The following ATP8A2 variants were observed in gnomAD, a reference collection of about 807,000 sequenced individuals.
The protein encoded by ATP8A2 is ATPase phospholipid transporting 8A2.
A neutral mutation model predicts 165.6 loss-of-function variants in ATP8A2; 100 were observed. That is an observed-to-expected ratio of 0.60 (90% CI 0.51 to 0.71). The LOEUF (loss-of-function observed/expected upper bound fraction) is 0.71, where lower values mean the gene tolerates loss of function less well. Ranked by LOEUF, ATP8A2 falls within the 30% of genes least tolerant of loss-of-function variation. The pLI is 0.00. For synonymous variants in ATP8A2, 543 were observed against 548.8 expected (o/e 0.99, Z 0.15); for missense variants, 1,227 against 1,479.5 (o/e 0.83, Z 2.80).
Position 25,533,186 on chromosome 13 carries a change from GA to G in ATP8A2, c.467-85del, listed in dbSNP as rs1304784169. 4 of 737,796 alleles carry G rather than the reference GA, an allele frequency of 5.4e-6. No homozygotes were observed. The African/African-American group carries it at 7.1e-5, about 13-fold the overall frequency. 45.7% of individuals were successfully genotyped at this position (737,796 alleles called of 1,614,324 possible). A position where few individuals can be genotyped will look rare whatever the true frequency, so the allele number is the denominator to read the frequency against. On this transcript the variant is annotated intron_variant, in intron 5 of 36. Coordinates refer to ENST00000381655, the MANE Select transcript of ATP8A2 (RefSeq NM_016529.6). ...TAGGGTATGTTAGAATTAATAAATG[GA>G]ATTCTAAAAGAAAGCTTTTGGATTT...
chr13:25,571,420 C>A (rs1250802633), intron 17 of ATP8A2, among the ~76,000 whole-genome samples, 190 bp from the exon 18 acceptor site: 3 of 152,220 alleles, frequency 2.0e-5, no homozygotes, highest in African/African-American at 7.2e-5. Flanking sequence ...TCCCATCTAA[C>A]AGGAGTGCTC....
intron 1 of ATP8A2, among the ~76,000 whole-genome samples, chr13:25,454,871 G>A (rs112083134): frequency 0.011 from 1,648 of 152,262 alleles, 31 homozygotes; most frequent in African/African-American, 0.038. Context: ...GCAGTGAGCC[G>A]AGATCACGCC....
At chr13:25,511,152 G>A (rs1452814731) in intron 2 of ATP8A2, among the ~76,000 whole-genome samples, 1 of 152,212 alleles carries the variant, frequency 6.6e-6, no homozygotes, top group Non-Finnish European at 1.5e-5. Context: ...TCAGGTCCAA[G>A]TAGTGAGGCA....
At chr13:25,544,367 G>A (rs2038577645) in intron 10 of ATP8A2, among the ~76,000 whole-genome samples, 1 of 152,244 alleles carries the variant, frequency 6.6e-6, no homozygotes, top group South Asian at 2.1e-4. Context: ...TAGATATCGA[G>A]CTAGGGAAGG....
At chr13:25,696,990 G>GA (rs2042847062) in intron 24 of ATP8A2, among the ~76,000 whole-genome samples, 1 of 152,162 alleles carries the variant, frequency 6.6e-6, no homozygotes, top group Non-Finnish European at 1.5e-5. Context: ...TCATGAGAAA[G>GA]AAGTTTAAAA....
intron 33 of ATP8A2, among the ~76,000 whole-genome samples, chr13:25,881,134 G>A (rs1952967240): frequency 6.6e-6 from 1 of 152,116 alleles, no homozygotes; most frequent in Non-Finnish European, 1.5e-5. Context: ...TTGTTTGGGG[G>A]GCATTTTTTT....
chr13:25,970,743 A>G (rs1420157189), intron 35 of ATP8A2, among the ~76,000 whole-genome samples: 2 of 152,096 alleles, frequency 1.3e-5, no homozygotes, highest in Non-Finnish European at 2.9e-5. Flanking sequence ...TTGGCAGGAG[A>G]GTCATGAGCT....
chr13:25,559,667 G>A (rs149387634), intron 14 of ATP8A2, 54 bp from the exon 15 acceptor site: 32,719 of 1,328,184 alleles, frequency 0.025, 556 homozygotes, highest in Non-Finnish European at 0.031. Context: ...TGATCAGAAT[G>A]TCTGTCTTTT....
At chr13:26,015,271 C>T (rs1956942543) in intron 36 of ATP8A2, among the ~76,000 whole-genome samples, 1 of 152,172 alleles carries the variant, frequency 6.6e-6, no homozygotes, top group Non-Finnish European at 1.5e-5. Context: ...CAGAGAAGAT[C>T]GTCGGGTGGT....
chr13:25,632,854 T>C lies in ATP8A2; in HGVS notation c.2211+43155T>C, dbSNP rs532814714. On this transcript the variant is annotated intron_variant, in intron 24 of 36. Coordinates refer to ENST00000381655, the MANE Select transcript of ATP8A2 (RefSeq NM_016529.6). ...AAGCTGCCCTCTTGCGTGGGAGAAG[T>C]TGTGCTCTGCTCACCCCTCTGAGCT... Among the ~76,000 whole-genome samples the C allele has an allele frequency of 5.7e-4, 87 of 152,204 alleles. 1 individual carries two copies. The highest frequency in any genetic ancestry group is 1.2e-3 in the Admixed American group (19 of 15,280).
At chr13:25,725,730 G>T (rs1593253500) in intron 25 of ATP8A2, among the ~76,000 whole-genome samples, 1 of 152,154 alleles carries the variant, frequency 6.6e-6, no homozygotes, top group African/African-American at 2.4e-5. Context: ...AATGCTTTTT[G>T]TATTTTTGCT....
intron 1 of ATP8A2, among the ~76,000 whole-genome samples, chr13:25,391,137 A>G (rs949766810): frequency 1.3e-5 from 2 of 152,222 alleles, no homozygotes. Flanking sequence ...ATAAGGCAGA[A>G]CAGAATGAGC....
At chr13:25,447,110 A>G (rs2035090507) in intron 1 of ATP8A2, among the ~76,000 whole-genome samples, 1 of 152,226 alleles carries the variant, frequency 6.6e-6, no homozygotes, top group South Asian at 2.1e-4. Context: ...GACTAAGCAA[A>G]CAAACTAAAA....
chr13:25,450,276 A>C (rs900572907), intron 1 of ATP8A2, among the ~76,000 whole-genome samples: 1 of 152,204 alleles, frequency 6.6e-6, no homozygotes, highest in African/African-American at 2.4e-5. Flanking sequence ...ACAGTGCTGC[A>C]ATGAACATGC....
chr13:25,809,414 A>G (rs142861618), intron 27 of ATP8A2, among the ~76,000 whole-genome samples: 6 of 152,292 alleles, frequency 3.9e-5, no homozygotes, highest in African/African-American at 1.4e-4. Flanking sequence ...AACATGTCCA[A>G]AAGAGAGCTG....
chr13:25,890,328 T>A (rs1953320693), intron 33 of ATP8A2, among the ~76,000 whole-genome samples: 1 of 152,228 alleles, frequency 6.6e-6, no homozygotes, highest in Non-Finnish European at 1.5e-5. Context: ...CAGATCTTTT[T>A]CATCTTTTGT....
chr13:25,793,902 G>A (rs1950441227), intron 27 of ATP8A2, among the ~76,000 whole-genome samples: 1 of 152,164 alleles, frequency 6.6e-6, no homozygotes, highest in Admixed American at 6.5e-5. Context: ...AGCTGAGATT[G>A]TCATTTGAAG....
chr13:25,692,485 G>A (rs1454571909), intron 24 of ATP8A2, among the ~76,000 whole-genome samples: 1 of 152,216 alleles, frequency 6.6e-6, no homozygotes, highest in African/African-American at 2.4e-5. Context: ...TTTTTGAAGA[G>A]AGACTCTTGC....
At chr13:25,474,899 C>T (rs754472700) in intron 2 of ATP8A2, among the ~76,000 whole-genome samples, 3 of 151,884 alleles carry the variant, frequency 2.0e-5, no homozygotes, top group Admixed American at 6.6e-5. Context: ...GGTGCAATCT[C>T]GGCTCACTGC....
Sources: allele counts gnomAD v4.1 joint callset (sites outside exome capture counted in the v4.1 genomes callset), GRCh38; gene constraint gnomAD v4.1.1; transcripts MANE v1.5; gene names NCBI Gene and HGNC (gene_info 2026-07-23, HGNC 2026-07-21).